Variants in CCDC171 observed in about 807,000 individuals in gnomAD.
CCDC171 encodes the protein coiled-coil domain containing 171.
Under a neutral mutation model 168.2 loss-of-function variants are expected in CCDC171, and 177 were observed. The observed-to-expected ratio is 1.05, with a 90% CI of 0.93 to 1.19. CCDC171 has a LOEUF of 1.19. Among genes scored for constraint, CCDC171 ranks in the 50% most tolerant of loss-of-function variants. CCDC171 has a pLI of 0.00. For synonymous variants in CCDC171, 687 were observed against 540.8 expected (o/e 1.27, Z -3.75); for missense variants, 1,991 against 1,539.0 (o/e 1.29, Z -4.91).
intron 3 of CCDC171, among the ~76,000 whole-genome samples, chr9:15,985,069 T>C (rs1200729547): frequency 2.0e-5 from 3 of 150,598 alleles, no homozygotes; most frequent in African/African-American, 7.3e-5. Context: ...TTCATATTTT[T>C]ATAAATTTCT....
At chr9:15,636,310 A>T (rs746811419) in intron 7 of CCDC171, among the ~76,000 whole-genome samples, 11 of 152,190 alleles carry the variant, frequency 7.2e-5, no homozygotes, top group Non-Finnish European at 1.5e-4. Context: ...AAGATTACAG[A>T]AGGAATAAAA....
intron 24 of CCDC171, among the ~76,000 whole-genome samples, chr9:15,900,717 G>A (rs1194555526): frequency 2.0e-5 from 3 of 152,218 alleles, no homozygotes; most frequent in Admixed American, 2.0e-4. Flanking sequence ...ACATCTGGGT[G>A]TGAGGGAAAG....
At chr9:15,904,707 A>G (rs930836008) in intron 24 of CCDC171, among the ~76,000 whole-genome samples, 1 of 152,176 alleles carries the variant, frequency 6.6e-6, no homozygotes, top group African/African-American at 2.4e-5. Context: ...AAATGCTCCA[A>G]TTAAAAGACA....
chr9:15,922,627 A>C (rs1471895658), intron 25 of CCDC171, among the ~76,000 whole-genome samples: 2 of 151,588 alleles, frequency 1.3e-5, no homozygotes, highest in African/African-American at 2.4e-5. Flanking sequence ...TTCTAGTTTT[A>C]ATTTTTTGAG....
At chr9:15,628,080 A>G (rs1470586698) in intron 7 of CCDC171, among the ~76,000 whole-genome samples, 5 of 152,160 alleles carry the variant, frequency 3.3e-5, no homozygotes, top group Admixed American at 1.3e-4. Flanking sequence ...GCTGCTGTCT[A>G]CAGCTCCCAG....
chr9:15,937,849 G>A (rs4741550), intron 25 of CCDC171, among the ~76,000 whole-genome samples: 47,595 of 151,454 alleles, frequency 0.31, 9,312 homozygotes, highest in East Asian at 0.62. Flanking sequence ...ATTTAACTCT[G>A]TCACTGTGAA....
At chr9:15,877,417 G>A (rs930418648) in intron 24 of CCDC171, among the ~76,000 whole-genome samples, 3 of 151,936 alleles carry the variant, frequency 2.0e-5, no homozygotes, top group Non-Finnish European at 4.4e-5. Context: ...TTGAGGAATC[G>A]TTATTTAAGA....
chr9:15,633,738 G>T (rs1455609339), intron 7 of CCDC171, among the ~76,000 whole-genome samples: 2 of 152,038 alleles, frequency 1.3e-5, no homozygotes, highest in Non-Finnish European at 2.9e-5. Context: ...TGTTTATTGT[G>T]GCACTATTCA....
the CCDC171 span, among the ~76,000 whole-genome samples, chr9:16,089,631 G>C: frequency 3.1e-4 from 47 of 152,044 alleles, no homozygotes; most frequent in Non-Finnish European, 6.6e-4. Context: ...TTATTAAATA[G>C]GGAATATTTT....
chr9:15,787,656 A>G lies in CCDC171; in HGVS notation c.3267+2962A>G, dbSNP rs902112498. On this transcript the variant is annotated intron_variant, in intron 21 of 25. Transcript: ENST00000380701. ...AGGATGAATTCCTAGATGAGGAATT[A>G]CTAGGTTAGAAACCACATACATTAA... is the stretch of plus-strand genomic sequence containing the variant. 2.6e-5 allele frequency among the ~76,000 whole-genome samples: 4 copies of G among 152,316 alleles called. No homozygotes were observed. The South Asian group carries it at 8.3e-4, about 32-fold the overall frequency.
intron 1 of CCDC171, among the ~76,000 whole-genome samples, chr9:16,051,348 C>G (rs1323721408): frequency 6.6e-6 from 1 of 152,120 alleles, no homozygotes; most frequent in Admixed American, 6.5e-5. Context: ...CAAGCAGTCC[C>G]CAGCCCTTGG....
At chr9:16,066,825 T>G in the CCDC171 span, among the ~76,000 whole-genome samples, 1 of 148,990 alleles carries the variant, frequency 6.7e-6, no homozygotes, top group South Asian at 2.2e-4. Context: ...TATTCCATGG[T>G]GTATATGTGC....
chr9:15,935,481 TCTAA>T (rs1827003824), intron 25 of CCDC171, among the ~76,000 whole-genome samples: 1 of 152,158 alleles, frequency 6.6e-6, no homozygotes, highest in South Asian at 2.1e-4. Context: ...AATCCAAGAG[TCTAA>T]CTATGTTTTG....
the CCDC171 span, among the ~76,000 whole-genome samples, chr9:16,077,444 C>T: frequency 2.6e-5 from 4 of 152,292 alleles, no homozygotes; most frequent in Non-Finnish European, 4.4e-5. Context: ...TTCCCTACTC[C>T]TTGACTTTAG....
intron 7 of CCDC171, among the ~76,000 whole-genome samples, chr9:15,651,120 T>G (rs1354355047): frequency 1.3e-5 from 2 of 151,912 alleles, no homozygotes; most frequent in African/African-American, 2.4e-5. Context: ...TAGAATTTTT[T>G]TTTTTTTGAG....
intron 11 of CCDC171, among the ~76,000 whole-genome samples, chr9:15,713,103 A>G (rs1197605852): frequency 1.3e-5 from 2 of 152,314 alleles, no homozygotes; most frequent in East Asian, 3.9e-4. Flanking sequence ...GTTAGACACC[A>G]CACATGAATT....
chr9:15,831,260 C>T (rs947582667), intron 21 of CCDC171, among the ~76,000 whole-genome samples: 2 of 152,068 alleles, frequency 1.3e-5, no homozygotes, highest in Non-Finnish European at 2.9e-5. Context: ...GTGTGAGCCA[C>T]CATACCCGGC....
chr9:15,663,746 C>T (rs1460870314), intron 8 of CCDC171, among the ~76,000 whole-genome samples: 1 of 151,798 alleles, frequency 6.6e-6, no homozygotes, highest in Non-Finnish European at 1.5e-5. Context: ...GCTGGGACTG[C>T]AGGCGCCCGC....
chr9:15,615,417 C>T (rs1180619993), intron 6 of CCDC171, among the ~76,000 whole-genome samples: 1 of 151,908 alleles, frequency 6.6e-6, no homozygotes, highest in Non-Finnish European at 1.5e-5. Flanking sequence ...TATTCATATC[C>T]AAGAATACAA....
Sources: gnomAD v4.1 joint callset for allele counts (sites outside exome capture counted in the v4.1 genomes callset) on GRCh38, gnomAD v4.1.1 for gene constraint, MANE v1.5 for transcripts, NCBI Gene and HGNC (gene_info 2026-07-23, HGNC 2026-07-21) for gene names.